EXOC4: variants seen among roughly 807,000 people sequenced by gnomAD.
EXOC4 encodes SEC8-like 1.
In EXOC4, 71 loss-of-function variants were observed where a neutral mutation model predicts 107.2. The observed-to-expected ratio is 0.66, with a 90% CI of 0.55 to 0.81. EXOC4 has a LOEUF of 0.81. Ranked by LOEUF, EXOC4 falls within the 30% of genes least tolerant of loss-of-function variation. The pLI is 0.00. For synonymous variants in EXOC4, 456 were observed against 441.2 expected (o/e 1.03, Z -0.42); for missense variants, 1,108 against 1,189.6 (o/e 0.93, Z 1.01).
chr7:133,945,806 G>A (rs1800536731), intron 14 of EXOC4, among the ~76,000 whole-genome samples: 1 of 152,138 alleles, frequency 6.6e-6, no homozygotes, highest in South Asian at 2.1e-4. Context: ...TCATGCTAGA[G>A]CTCACTATCA....
rs150888324 is a variant in EXOC4, at chr7:133,700,368, G to T, written c.1514+70227G>T. Among the ~76,000 whole-genome samples, 1,401 of 152,170 alleles carry T rather than the reference G, an allele frequency of 9.2e-3. 24 individuals are homozygous for T. Among genetic ancestry groups the T allele is most frequent in the African/African-American group, 0.031 (1,299 of 41,514 alleles). On this transcript the variant is annotated intron_variant, in intron 10 of 17. Transcript: ENST00000253861. ...GCTACACTAATCTATTCTGTAAGAT[G>T]TTGATTCAAGTTCTTTATATCAAAG...
At chr7:133,738,812 A>G (rs186200612) in intron 10 of EXOC4, among the ~76,000 whole-genome samples, 3 of 152,330 alleles carry the variant, frequency 2.0e-5, no homozygotes, top group East Asian at 1.9e-4. Flanking sequence ...TAAGTTTCCT[A>G]TCAACTCCAA....
At chr7:133,393,190 T>G (rs1016050796) in intron 7 of EXOC4, among the ~76,000 whole-genome samples, 1 of 152,204 alleles carries the variant, frequency 6.6e-6, no homozygotes, top group African/African-American at 2.4e-5. Flanking sequence ...TTGCATTTCT[T>G]GTTTTTACCA....
intron 10 of EXOC4, among the ~76,000 whole-genome samples, chr7:133,685,821 T>C (rs1794286067): frequency 6.6e-6 from 1 of 152,144 alleles, no homozygotes; most frequent in African/African-American, 2.4e-5. Context: ...TCTTTTAGTA[T>C]AGTGATCACC....
At chr7:133,709,750 T>C (rs545513715) in intron 10 of EXOC4, among the ~76,000 whole-genome samples, 1 of 152,086 alleles carries the variant, frequency 6.6e-6, no homozygotes, top group African/African-American at 2.4e-5. Flanking sequence ...TCTTACTACT[T>C]GTGAAACCTT....
intron 1 of EXOC4, among the ~76,000 whole-genome samples, chr7:133,261,671 T>G (rs1451759417): frequency 1.2e-4 from 18 of 152,168 alleles, no homozygotes. Context: ...AGCAATTTGG[T>G]CTTCTCAGGC....
In EXOC4 at chr7:133,689,859, T is replaced by C. The variant is rs142563094; in HGVS notation, c.1514+59718T>C. ...TAGCTTAAAGATCTTAATTGACCTT[T>C]ATTTGCAATTTTAGAATCAAGCAAT... On this transcript the variant is annotated intron_variant, in intron 10 of 17. Transcript: ENST00000253861. Among the ~76,000 whole-genome samples, 12 of 152,354 alleles carry C rather than the reference T, an allele frequency of 7.9e-5. No homozygotes were observed. The East Asian group carries it at 2.1e-3, about 27-fold the overall frequency.
At chr7:133,701,462 G>T (rs955563787) in intron 10 of EXOC4, among the ~76,000 whole-genome samples, 16 of 152,256 alleles carry the variant, frequency 1.1e-4, no homozygotes, top group South Asian at 2.1e-4. Context: ...CTGGTTGTTG[G>T]TTAGAGTGAT....
chr7:133,911,060 C>G (rs1799682946), intron 12 of EXOC4, among the ~76,000 whole-genome samples: 1 of 152,178 alleles, frequency 6.6e-6, no homozygotes, highest in South Asian at 2.1e-4. Flanking sequence ...GTGGACCTTT[C>G]TCTTGGCAGC....
chr7:133,710,443 G>A (rs1230934799), intron 10 of EXOC4, among the ~76,000 whole-genome samples: 2 of 151,792 alleles, frequency 1.3e-5, no homozygotes, highest in Non-Finnish European at 2.9e-5. Context: ...GGCGGATCAC[G>A]AGGTCAGGAG....
chr7:133,625,280 C>G (rs1349535422), intron 9 of EXOC4, among the ~76,000 whole-genome samples: 1 of 152,208 alleles, frequency 6.6e-6, no homozygotes, highest in African/African-American at 2.4e-5. Flanking sequence ...ACTGAATGCC[C>G]TTATCTACGT....
intron 10 of EXOC4, among the ~76,000 whole-genome samples, chr7:133,656,498 G>A (rs948714154): frequency 5.3e-5 from 8 of 152,102 alleles, no homozygotes; most frequent in South Asian, 2.1e-4. Context: ...CAGAAAAAGC[G>A]CTAGTAAAAT....
chr7:134,005,220 T>A, intron 16 of EXOC4, 130 bp downstream of exon 16: 1 of 885,274 alleles, frequency 1.1e-6, no homozygotes, highest in Non-Finnish European at 1.7e-6. Context: ...TTGAACTAAA[T>A]CTGCAATACC....
At chr7:133,278,688 G>C (rs1794055748) in intron 2 of EXOC4, among the ~76,000 whole-genome samples, 1 of 152,136 alleles carries the variant, frequency 6.6e-6, no homozygotes. Flanking sequence ...ATGTGGTGTG[G>C]TGGGTGGGTG....
intron 10 of EXOC4, among the ~76,000 whole-genome samples, chr7:133,679,945 T>A (rs1326992121): frequency 6.6e-6 from 1 of 152,206 alleles, no homozygotes; most frequent in East Asian, 1.9e-4. Flanking sequence ...TAGTGGGGGC[T>A]TTGTTGTTGT....
At chr7:133,376,194 A>G (rs552562754) in intron 7 of EXOC4, among the ~76,000 whole-genome samples, 1 of 152,202 alleles carries the variant, frequency 6.6e-6, no homozygotes, top group African/African-American at 2.4e-5. Context: ...GGTACAGTGT[A>G]TATGCTTTAC....
At chr7:133,659,288 C>T (rs12670928) in intron 10 of EXOC4, among the ~76,000 whole-genome samples, 1 of 151,946 alleles carries the variant, frequency 6.6e-6, no homozygotes, top group Non-Finnish European at 1.5e-5. Context: ...CATAGAGTTG[C>T]TGAAGATTAT....
chr7:133,266,429 A>C (rs1454455445), intron 1 of EXOC4, among the ~76,000 whole-genome samples: 1 of 152,198 alleles, frequency 6.6e-6, no homozygotes, highest in East Asian at 1.9e-4. Flanking sequence ...TTATTTTGAT[A>C]AAATATCCTA....
At chr7:133,688,732 AT>A (rs533729352) in intron 10 of EXOC4, among the ~76,000 whole-genome samples, 10 of 149,026 alleles carry the variant, frequency 6.7e-5, no homozygotes, top group Non-Finnish European at 7.5e-5. Context: ...GTCTAGGCCT[AT>A]TTTTTTTTTG....
Sources: allele counts gnomAD v4.1 joint callset (sites outside exome capture counted in the v4.1 genomes callset), GRCh38; gene constraint gnomAD v4.1.1; transcripts MANE v1.5; gene names NCBI Gene and HGNC (gene_info 2026-07-23, HGNC 2026-07-21).